SLC4A4: variants seen among roughly 807,000 people sequenced by gnomAD.
SLC4A4 encodes the protein solute carrier family 4 member 4, also known as electrogenic sodium bicarbonate cotransporter 1.
In SLC4A4, 27 loss-of-function variants were observed where a neutral mutation model predicts 111.5. That is an observed-to-expected ratio of 0.24 (90% CI 0.18 to 0.33). The LOEUF is 0.33. Ranked by LOEUF, SLC4A4 falls within the 10% of genes least tolerant of loss-of-function variation. The pLI, the probability that SLC4A4 is intolerant of heterozygous loss-of-function variation, is 1.00. For synonymous variants in SLC4A4, 443 were observed against 463.4 expected, an observed-to-expected ratio of 0.96 and a Z score of 0.57; for missense variants, 909 against 1,315.5, an observed-to-expected ratio of 0.69 and a Z score of 4.78.
chr4:71,472,506 T>C (rs930019004), intron 13 of SLC4A4, among the ~76,000 whole-genome samples, 193 bp from the exon 14 acceptor site: 1 of 151,966 alleles, frequency 6.6e-6, no homozygotes, highest in Admixed American at 6.6e-5. Flanking sequence ...AAACTTTTAT[T>C]GCTATTTTAA....
chr4:71,432,752 A>G (rs185182356), intron 7 of SLC4A4, among the ~76,000 whole-genome samples: 4 of 152,134 alleles, frequency 2.6e-5, no homozygotes, highest in East Asian at 3.9e-4. Context: ...TAAAAAGCCT[A>G]CAGAGGGTGA....
At chr4:71,291,795 AG>A (rs988506056) in intron 3 of SLC4A4, among the ~76,000 whole-genome samples, 3 of 152,248 alleles carry the variant, frequency 2.0e-5, no homozygotes, top group Admixed American at 1.3e-4. Flanking sequence ...ATTTTTTAAA[AG>A]AGTGAAAATG....
At chr4:71,279,175 G>C (rs1723304002) in intron 3 of SLC4A4, among the ~76,000 whole-genome samples, 1 of 152,094 alleles carries the variant, frequency 6.6e-6, no homozygotes, top group Admixed American at 6.5e-5. Context: ...TAGATCTCCA[G>C]AACTTACTCA....
chr4:71,361,609 A>G (rs910892475), intron 6 of SLC4A4, among the ~76,000 whole-genome samples: 37 of 152,164 alleles, frequency 2.4e-4, no homozygotes, highest in Non-Finnish European at 5.0e-4. Flanking sequence ...ATTTTTCCTT[A>G]CCTACTTTTT....
intron 16 of SLC4A4, among the ~76,000 whole-genome samples, chr4:71,519,249 T>C (rs1296902094): frequency 6.6e-6 from 1 of 152,228 alleles, no homozygotes. Flanking sequence ...TAACTTTCTA[T>C]GTATCCAAAA....
intron 2 of SLC4A4, among the ~76,000 whole-genome samples, chr4:71,240,921 C>T (rs1266456535): frequency 6.6e-6 from 1 of 151,674 alleles, no homozygotes; most frequent in African/African-American, 2.4e-5. Context: ...AATTCAAGAA[C>T]ATCCCAGAAA....
chr4:71,526,312 T>A (rs1365820435), intron 16 of SLC4A4, among the ~76,000 whole-genome samples: 1 of 152,076 alleles, frequency 6.6e-6, no homozygotes, highest in Non-Finnish European at 1.5e-5. Flanking sequence ...ATTAAACTAA[T>A]ATTATACAAT....
chr4:71,106,418 ACTGGGTATATACC>A (rs1742920611), intron 2 of SLC4A4, among the ~76,000 whole-genome samples: 1 of 149,026 alleles, frequency 6.7e-6, no homozygotes, highest in South Asian at 2.2e-4. Context: ...CCATCCCATT[ACTGGGTATATACC>A]CAAAGGACTA....
chr4:71,177,731 G>A (rs1745144651), intron 2 of SLC4A4, among the ~76,000 whole-genome samples: 1 of 152,164 alleles, frequency 6.6e-6, no homozygotes, highest in Non-Finnish European at 1.5e-5. Flanking sequence ...ATAATAATGT[G>A]AGACTTTAAC....
At chr4:71,076,606 T>C (rs1741836975) in intron 1 of SLC4A4, among the ~76,000 whole-genome samples, 1 of 152,156 alleles carries the variant, frequency 6.6e-6, no homozygotes, top group Non-Finnish European at 1.5e-5. Flanking sequence ...TTTTCTGCAA[T>C]GTGCTTAACT....
intron 2 of SLC4A4, among the ~76,000 whole-genome samples, chr4:71,136,310 A>G (rs1743840888): frequency 6.6e-6 from 1 of 152,226 alleles, no homozygotes; most frequent in African/African-American, 2.4e-5. Context: ...GCCCTCATGC[A>G]TAGCTGAATG....
chr4:71,506,772 C>T (rs894315590), intron 16 of SLC4A4, among the ~76,000 whole-genome samples: 4 of 151,964 alleles, frequency 2.6e-5, no homozygotes, highest in Non-Finnish European at 5.9e-5. Context: ...ACAAGAAGGT[C>T]GTCCTCAAGA....
Position 71,532,141 on chromosome 4 carries a change from A to G in SLC4A4, c.2246A>G (p.Asp749Gly). Reference protein sequence around the residue: ...FCVIDALVGVDTPKLIVPSEF... With the variant: ...FCVIDALVGVGTPKLIVPSEF... ...GTAATAGATGCCCTAGTAGGCGTGG[A>G]CACCCCAAAACTAATTGTGCCAAGT... Residue 749 changes from aspartate (D) to glycine (G), a missense_variant, in exon 17 of 26, where the codon GAC becomes GGC. By Grantham distance (94) the Asp-to-Gly change is moderately conservative (BLOSUM62 -1). Transcript: ENST00000264485. The G allele has an allele frequency of 6.2e-7, 1 of 1,611,884 alleles. No homozygotes were observed. The highest frequency in any genetic ancestry group is 8.5e-7 in the Non-Finnish European group (1 of 1,178,134).
Position 71,567,061 on chromosome 4 carries a change from C to T in SLC4A4, c.*14C>T. The T allele has an allele frequency of 6.2e-7, 1 of 1,609,732 alleles. No homozygotes were observed. On this transcript the variant is annotated 3_prime_UTR_variant, in exon 25 of 26. Transcript: ENST00000264485. ...ACATCATGCTGATAAAATTCCTTTC[C>T]TTCAGTCACTCGGTATGCCAAGGTA...
intron 1 of SLC4A4, among the ~76,000 whole-genome samples, chr4:71,079,942 T>G (rs1281157629): frequency 6.6e-6 from 1 of 151,828 alleles, no homozygotes; most frequent in African/African-American, 2.4e-5. Context: ...CTTGGGGCTG[T>G]GTCCCCCACA....
intron 1 of SLC4A4, among the ~76,000 whole-genome samples, chr4:71,064,446 G>T (rs933973194): frequency 2.0e-5 from 3 of 152,150 alleles, no homozygotes; most frequent in Admixed American, 6.5e-5. Context: ...GAATATAATA[G>T]TACTAATCAA....
At chr4:71,510,259 G>A (rs1731794772) in intron 16 of SLC4A4, among the ~76,000 whole-genome samples, 1 of 152,194 alleles carries the variant, frequency 6.6e-6, no homozygotes, top group African/African-American at 2.4e-5. Context: ...GCAGAAGGAT[G>A]CCTTTTCCTT....
rs189761430 is a variant in SLC4A4 at position 71,364,830 on chromosome 4, C to G, written c.730+7643C>G. Among the ~76,000 whole-genome samples the G allele has an allele frequency of 2.0e-5, 3 of 152,312 alleles. No individual in the cohort carries two copies. In the East Asian group the frequency reaches 5.8e-4, roughly 29 times the overall value. ...TGACTTTCAGCTTTAAAATTGAGGACAGAACTTCAATTCACTACCATTATT... is the reference window on the plus strand; with the variant it reads ...TGACTTTCAGCTTTAAAATTGAGGAGAGAACTTCAATTCACTACCATTATT... On this transcript the variant is annotated intron_variant, in intron 6 of 25. Coordinates refer to ENST00000264485, the MANE Select transcript of SLC4A4 (RefSeq NM_001098484.3).
At chr4:71,271,551 T>A (rs1434873942) in intron 3 of SLC4A4, among the ~76,000 whole-genome samples, 2 of 152,218 alleles carry the variant, frequency 1.3e-5, no homozygotes, top group Admixed American at 6.5e-5. Context: ...TACAGTTGAA[T>A]TTAATTTGTC....
Sources: allele counts gnomAD v4.1 joint callset (sites outside exome capture counted in the v4.1 genomes callset), GRCh38; gene constraint gnomAD v4.1.1; transcripts MANE v1.5; gene names NCBI Gene and HGNC (gene_info 2026-07-23, HGNC 2026-07-21).